Variants in CMPK1 observed in about 807,000 individuals in gnomAD.
CMPK1 encodes the protein cytidine/uridine monophosphate kinase 1.
Under a neutral mutation model 25.7 loss-of-function variants are expected in CMPK1, and 10 were observed. That is an observed-to-expected ratio of 0.39 (90% confidence interval 0.24 to 0.66). The LOEUF is 0.66. Among genes scored for constraint, CMPK1 ranks in the 30% least tolerant of loss-of-function variants. The pLI is 0.48. For synonymous variants in CMPK1, 106 were observed against 101.5 expected, an observed-to-expected ratio of 1.04 and a Z score of -0.27; for missense variants, 199 against 280.5, an observed-to-expected ratio of 0.71 and a Z score of 2.08.
At chr1:47,337,518 C>G (rs1255513219) in intron 1 of CMPK1, among the ~76,000 whole-genome samples, 2 of 152,018 alleles carry the variant, frequency 1.3e-5, no homozygotes, top group Non-Finnish European at 2.9e-5. Flanking sequence ...AGTCTAGTTG[C>G]CATAAACTTT....
chr1:47,358,942 T>C, intron 1 of CMPK1: 8 of 985,252 alleles, frequency 8.1e-6, no homozygotes, highest in Non-Finnish European at 9.6e-6. Flanking sequence ...AGCAGTTGAA[T>C]CTTTTGGGCC....
At chr1:47,367,467 G>A (rs1646647386) in intron 1 of CMPK1, among the ~76,000 whole-genome samples, 1 of 152,176 alleles carries the variant, frequency 6.6e-6, no homozygotes, top group African/African-American at 2.4e-5. Context: ...TGTAAAATGT[G>A]CCGTTGAAAT....
intron 2 of CMPK1, among the ~76,000 whole-genome samples, 173 bp downstream of exon 2, chr1:47,368,788 C>T (rs774798997): frequency 6.6e-6 from 1 of 152,128 alleles, no homozygotes; most frequent in Non-Finnish European, 1.5e-5. Flanking sequence ...AGTGAAACCC[C>T]ATCTCTACAA....
intron 1 of CMPK1, among the ~76,000 whole-genome samples, chr1:47,344,234 A>G (rs996092940): frequency 2.6e-5 from 4 of 152,192 alleles, no homozygotes; most frequent in Non-Finnish European, 5.9e-5. Context: ...CTAAATGTCA[A>G]TTTAATGAGT....
intron 1 of CMPK1, among the ~76,000 whole-genome samples, chr1:47,334,349 G>T (rs1423255029): frequency 6.6e-6 from 1 of 152,126 alleles, no homozygotes; most frequent in Non-Finnish European, 1.5e-5. Flanking sequence ...CTTTGTTCCT[G>T]CGCCCCTTCT....
intron 1 of CMPK1, among the ~76,000 whole-genome samples, chr1:47,356,861 A>G (rs901969161): frequency 9.9e-5 from 15 of 151,846 alleles, no homozygotes; most frequent in African/African-American, 2.9e-4. Context: ...GGATTTCACC[A>G]TGTTAGCCAG....
At chr1:47,368,234 A>G (rs952551823) in intron 1 of CMPK1, among the ~76,000 whole-genome samples, 2 of 152,174 alleles carry the variant, frequency 1.3e-5, no homozygotes, top group Non-Finnish European at 2.9e-5. Context: ...GTGAGCCACT[A>G]CGCCCAGCCA....
At chr1:47,358,158 C>A (rs1399939412) in intron 1 of CMPK1, 3 of 176,740 alleles carry the variant, frequency 1.7e-5, no homozygotes, top group Non-Finnish European at 3.3e-5. Flanking sequence ...GTTTCCTAGG[C>A]TAGAGTGCAG....
chr1:47,356,845 G>A (rs1479310952), intron 1 of CMPK1, among the ~76,000 whole-genome samples: 1 of 152,098 alleles, frequency 6.6e-6, no homozygotes, highest in Non-Finnish European at 1.5e-5. Context: ...ATTTTTAGTA[G>A]AGATGGGATT....
intron 1 of CMPK1, among the ~76,000 whole-genome samples, chr1:47,341,444 C>T (rs902173693): frequency 6.6e-6 from 1 of 152,062 alleles, no homozygotes; most frequent in Non-Finnish European, 1.5e-5. Context: ...TCTTGTCTCA[C>T]TGCAGCCTCT....
Position 47,337,220 on chromosome 1 carries a change from T to G in CMPK1, c.171+3104T>G, listed in dbSNP as rs528104621. Among the ~76,000 whole-genome samples the G allele has an allele frequency of 7.9e-5, 12 of 152,222 alleles. No homozygotes were observed. The South Asian group carries it at 2.5e-3, about 32-fold the overall frequency. On this transcript the variant is annotated intron_variant, in intron 1 of 5. Transcript: ENST00000371873. ...ATGGCATGAACCGGGGAGGCGGAGC[T>G]TGCAGTGAGCCAAGATCACGCCACT... is the stretch of plus-strand genomic sequence containing the variant.
intron 1 of CMPK1, among the ~76,000 whole-genome samples, chr1:47,349,890 C>T (rs1646510882): frequency 6.6e-6 from 1 of 152,088 alleles, no homozygotes; most frequent in African/African-American, 2.4e-5. Context: ...ACTGCAATCT[C>T]CGCCTCCCGG....
intron 1 of CMPK1, among the ~76,000 whole-genome samples, chr1:47,339,906 C>T (rs1445583375): frequency 4.6e-5 from 7 of 151,662 alleles, no homozygotes; most frequent in Non-Finnish European, 1.0e-4. Context: ...TGGGGTTTCA[C>T]CATAATGGCC....
At chr1:47,339,785 G>T (rs1305395478) in intron 1 of CMPK1, among the ~76,000 whole-genome samples, 2 of 135,044 alleles carry the variant, frequency 1.5e-5, no homozygotes, top group Non-Finnish European at 3.1e-5. Flanking sequence ...TCGGCTCACC[G>T]CAGCCTCCGC....
chr1:47,358,540 C>T, intron 1 of CMPK1: 1 of 1,008,828 alleles, frequency 9.9e-7, no homozygotes, highest in Non-Finnish European at 1.2e-6. Flanking sequence ...CATATTATTT[C>T]TGTTTTATAA....
intron 1 of CMPK1, among the ~76,000 whole-genome samples, chr1:47,367,327 T>G (rs566684339): frequency 1.3e-5 from 2 of 152,206 alleles, no homozygotes; most frequent in South Asian, 4.1e-4. Flanking sequence ...CGTTAACTTA[T>G]TATTTAGTAA....
Position 47,374,946 on chromosome 1 carries a change from G to A in CMPK1, c.509G>A (p.Ser170Asn), listed in dbSNP as rs1248428235. ...CGATGTCTTGAGAGGGGAAAGAGTAGTGGTAGGAGTGATGACAACAGAGAG... is the reference window on the plus strand; with the variant it reads ...CGATGTCTTGAGAGGGGAAAGAGTAATGGTAGGAGTGATGACAACAGAGAG... ...IERCLERGKSSGRSDDNRESL... is the reference protein window; with the variant it reads ...IERCLERGKSNGRSDDNRESL... Residue 170 changes from serine (S) to asparagine (N), a missense_variant, in exon 4 of 6, where the codon AGT becomes AAT. Physicochemically the swap from Ser to Asn is conservative, Grantham distance 46 (BLOSUM62 1). Around this residue, in one of 2 missense-constraint regions of CMPK1, gnomAD observed 140 missense variants for 235.5 expected, o/e 0.59. Transcript: ENST00000371873. The A allele has an allele frequency of 6.2e-7, 1 of 1,613,102 alleles. No individual in the cohort carries two copies. Among genetic ancestry groups the A allele is most frequent in the Non-Finnish European group, 8.5e-7 (1 of 1,179,568 alleles).
intron 1 of CMPK1, among the ~76,000 whole-genome samples, chr1:47,356,536 T>C (rs1177967447): frequency 6.6e-6 from 1 of 152,208 alleles, no homozygotes; most frequent in Non-Finnish European, 1.5e-5. Context: ...CCAAGTTTCA[T>C]TTAAAACAAA....
chr1:47,357,643 C>T (rs561753259), intron 1 of CMPK1, among the ~76,000 whole-genome samples: 4 of 151,980 alleles, frequency 2.6e-5, no homozygotes, highest in African/African-American at 4.8e-5. Flanking sequence ...CGCCGTCATG[C>T]GTGGCTGATT....
Sources: gnomAD v4.1 joint callset for allele counts (sites outside exome capture counted in the v4.1 genomes callset) on GRCh38, gnomAD v4.1.1 for gene constraint, gnomAD v4.1.1 regional missense constraint, MANE v1.5 for transcripts, NCBI Gene and HGNC (gene_info 2026-07-23, HGNC 2026-07-21) for gene names.